MASP1: variants seen among roughly 807,000 people sequenced by gnomAD.
MASP1 encodes the protein mannan-binding lectin serine protease 1.
Under a neutral mutation model 77.1 loss-of-function variants are expected in MASP1, and 59 were observed. The ratio of observed to expected loss-of-function variants is 0.77; its 90% CI spans 0.62 to 0.95. MASP1 has a LOEUF of 0.95. MASP1 is among the 40% of genes least tolerant of loss of function. The pLI is 0.00. For synonymous variants in MASP1, 362 were observed against 354.5 expected (o/e 1.02, Z -0.24); for missense variants, 885 against 912.9 (o/e 0.97, Z 0.39).
rs767798531 is a variant in MASP1 at position 187,225,258 on chromosome 3, A to G, written c.1741+66T>C. On this transcript the variant is annotated intron_variant, in intron 13 of 15. Transcript: ENST00000337774. ...ACTTAATTGGCACCAGAGCTTCACC[A>G]ACGTGAAGACGGACTCCTTGTGGAG... 584 of 1,555,054 alleles carry G rather than the reference A, an allele frequency of 3.8e-4. 1 individual carries two copies. The highest frequency in any genetic ancestry group is 4.7e-4 in the Non-Finnish European group (527 of 1,128,838).
intron 2 of MASP1, among the ~76,000 whole-genome samples, chr3:187,268,212 T>C (rs1323342431): frequency 1.3e-5 from 2 of 152,216 alleles, no homozygotes; most frequent in African/African-American, 4.8e-5. Flanking sequence ...CAAGGTGTGA[T>C]GCCTCATACC....
chr3:187,235,807 T>TC lies in MASP1; in HGVS notation c.2063dup (p.Pro689ThrfsTer2), dbSNP rs750821864. Reference sequence around the variant, plus strand: ...CCTGCTTGCTGCCGCATTCTTCAGGTCCCCCCCAGGACACCAGGCCTTGCA... The same window carrying TC: ...CCTGCTTGCTGCCGCATTCTTCAGGTCCCCCCCCAGGACACCAGGCCTTGCA... On this transcript the variant is annotated frameshift_variant, in exon 11 of 11. Transcript: ENST00000296280. LOFTEE classifies it high-confidence loss of function. The TC allele has an allele frequency of 3.7e-6, 6 of 1,613,138 alleles. No homozygotes were observed. The highest frequency in any genetic ancestry group is 2.2e-5 in the East Asian group (1 of 44,846).
chr3:187,260,627 T>C (rs571153745), intron 4 of MASP1, 114 bp downstream of exon 4: 13 of 1,446,882 alleles, frequency 9.0e-6, no homozygotes, highest in East Asian at 2.3e-5. Context: ...AGGTGCATCA[T>C]TGACTTCATT....
intron 14 of MASP1, among the ~76,000 whole-genome samples, chr3:187,222,925 G>C (rs990793672): frequency 2.6e-5 from 4 of 152,106 alleles, no homozygotes; most frequent in Non-Finnish European, 5.9e-5. Context: ...TTAGAGGCTA[G>C]AGTCCATGAC....
chr3:187,236,412 G>T lies in MASP1; in HGVS notation c.1459C>A (p.Leu487Ile). The change falls in exon 11 of 11, where the codon CTC becomes ATC. Residue 487 changes from leucine (L) to isoleucine (I), a missense_variant. Transcript: ENST00000296280. ...NDKWFGSGAL[L>I]SASWILTAAH... ...GCTGTGAGGATCCAGGACGCAGAGA[G>T]CAGGGCCCCACTCCCAAACCACTTG... 6.2e-7 allele frequency: 1 copy of T among 1,614,224 alleles called. No individual in the cohort carries two copies.
chr3:187,247,254 G>A, intron 8 of MASP1: 4 of 1,612,502 alleles, frequency 2.5e-6, no homozygotes, highest in Non-Finnish European at 3.4e-6. Flanking sequence ...TGGGTGGGGA[G>A]GGGTGGTGCA....
intron 4 of MASP1, among the ~76,000 whole-genome samples, chr3:187,259,937 G>C (rs1354536716): frequency 6.6e-6 from 1 of 152,182 alleles, no homozygotes. Context: ...ACTGTTTGCA[G>C]AAGCTCTTCT....
At chr3:187,285,146 C>A (rs1247453621) in intron 2 of MASP1, among the ~76,000 whole-genome samples, 1 of 96,270 alleles carries the variant, frequency 1.0e-5, no homozygotes, top group Non-Finnish European at 2.0e-5. Flanking sequence ...AACAGCTTCC[C>A]ACCCATGGAA....
chr3:187,239,359 A>AAAAACCT (rs1713442494), intron 10 of MASP1, among the ~76,000 whole-genome samples: 1 of 152,114 alleles, frequency 6.6e-6, no homozygotes, highest in Non-Finnish European at 1.5e-5. Flanking sequence ...TCTCAAAAAA[A>AAAAACCT]AGGTCAGAAT....
chr3:187,255,206 A>T (rs752440535), intron 5 of MASP1, among the ~76,000 whole-genome samples: 6 of 152,196 alleles, frequency 3.9e-5, no homozygotes, highest in Admixed American at 1.3e-4. Flanking sequence ...AGCAGAAGTC[A>T]GGGAGATTTG....
At chr3:187,274,752 G>C (rs969232216) in intron 2 of MASP1, among the ~76,000 whole-genome samples, 5 of 152,186 alleles carry the variant, frequency 3.3e-5, no homozygotes, top group Admixed American at 1.3e-4. Flanking sequence ...GTGGGGGCCA[G>C]AGAAACAGCT....
intron 8 of MASP1, among the ~76,000 whole-genome samples, chr3:187,249,594 G>A (rs370029296): frequency 6.6e-5 from 10 of 152,206 alleles, no homozygotes; most frequent in African/African-American, 2.4e-4. Context: ...CTCAGTAGAT[G>A]ATTTATATAG....
At chr3:187,228,930 T>C (rs183136875) in intron 11 of MASP1, among the ~76,000 whole-genome samples, 1 of 152,308 alleles carries the variant, frequency 6.6e-6, no homozygotes, top group African/African-American at 2.4e-5. Flanking sequence ...CCCAGAGCTG[T>C]CCACCCCTGG....
chr3:187,266,863 A>G (rs902539639), intron 2 of MASP1, among the ~76,000 whole-genome samples: 5 of 152,180 alleles, frequency 3.3e-5, no homozygotes, highest in Non-Finnish European at 4.4e-5. Context: ...CTATGGAAGA[A>G]CAGCTACTCT....
At chr3:187,239,760 C>T (rs1294918267) in intron 10 of MASP1, among the ~76,000 whole-genome samples, 16 of 152,138 alleles carry the variant, frequency 1.1e-4, no homozygotes, top group Admixed American at 1.0e-3. Context: ...ATGAACATTC[C>T]CTTATTCCAC....
chr3:187,220,917 T>A (rs942868275), intron 15 of MASP1: 9 of 760,508 alleles, frequency 1.2e-5, no homozygotes, highest in Non-Finnish European at 1.9e-5. Flanking sequence ...CTTCCTCCAG[T>A]CCCCCGCGCC....
At chr3:187,240,267 T>C (rs1713523202) in intron 10 of MASP1, among the ~76,000 whole-genome samples, 2 of 152,246 alleles carry the variant, frequency 1.3e-5, no homozygotes, top group South Asian at 4.1e-4. Context: ...GTAGGGTTAC[T>C]GAAATGTACC....
intron 3 of MASP1, 133 bp from the exon 4 acceptor site, chr3:187,261,005 T>C: frequency 9.5e-7 from 1 of 1,053,482 alleles, no homozygotes; most frequent in Admixed American, 1.8e-5. Flanking sequence ...AATCCTCTCA[T>C]ACAGCCCAGA....
chr3:187,261,744 CAT>C lies in MASP1; in HGVS notation c.415+797_415+798del, dbSNP rs902626868. Among the ~76,000 whole-genome samples the C allele has an allele frequency of 2.2e-4, 34 of 152,276 alleles. 1 individual carries two copies. Among genetic ancestry groups the C allele is most frequent in the Admixed American group, 1.9e-3 (29 of 15,296 alleles). ...CATATTTACTCAATAGAATTGAAAA[CAT>C]ATGTTTGCAAGAAGACTTGCACAAG... is the stretch of plus-strand genomic sequence containing the variant. On this transcript the variant is annotated intron_variant, in intron 3 of 10. Transcript: ENST00000296280.
Sources: gnomAD v4.1 joint callset for allele counts (sites outside exome capture counted in the v4.1 genomes callset) on GRCh38, gnomAD v4.1.1 for gene constraint, MANE v1.5 for transcripts, NCBI Gene and HGNC (gene_info 2026-07-23, HGNC 2026-07-21) for gene names.